The following EXOC3L1 variants were observed in gnomAD, a reference collection of about 807,000 sequenced individuals.
The protein encoded by EXOC3L1 is exocyst complex component 3-like protein.
Under a neutral mutation model 83.6 loss-of-function variants are expected in EXOC3L1, and 79 were observed. That is an observed-to-expected ratio of 0.95 (90% CI 0.79 to 1.14). The LOEUF (loss-of-function observed/expected upper bound fraction) is 1.14. EXOC3L1 is among the 50% of genes most tolerant of loss of function. EXOC3L1 has a pLI of 0.00. For missense variants in EXOC3L1, 945 were observed against 972.0 expected, an observed-to-expected ratio of 0.97 and a Z score of 0.37; for synonymous variants, 433 against 451.2, an observed-to-expected ratio of 0.96 and a Z score of 0.51.
rs1159283133 is a variant in EXOC3L1, at chr16:67,184,808, G to T, written c.1908C>A (p.Gly636=). 1.2e-6 allele frequency: 2 copies of T among 1,603,006 alleles called. No individual in the cohort carries two copies. The highest frequency in any genetic ancestry group is 1.7e-6 in the Non-Finnish European group (2 of 1,179,618). ...AQLQQLFLSL[G]LEENAHCAPV... is the part of the protein sequence containing the mutation. ...GCGCGCAGTGCGCGTTCTCCTCCAG[G>T]CCCTGAGCACGTCGGGGTAGGGTCT... Residue 636 remains glycine, a splice_region_variant and synonymous_variant, in exon 13 of 14, where the codon GGC becomes GGA. Transcript: ENST00000314586.
intron 4 of EXOC3L1, 150 bp downstream of exon 4, chr16:67,188,571 T>C (rs1032472629): frequency 1.7e-5 from 12 of 720,200 alleles, no homozygotes; most frequent in African/African-American, 5.4e-5. Context: ...AGCTGCCTCA[T>C]AGGCCATGGG....
chr16:67,188,874 C>A lies in EXOC3L1; in HGVS notation c.274G>T (p.Val92Leu). ...AGGGCCTCCCGGGTTCCCTGCACCA[C>A]CTCAATGGCCTGGGCCAGCTGCCAC... ...GVWQLAQAIE[V>L]VQGTREALSQ... Residue 92 changes from valine (V) to leucine (L), a missense_variant, in exon 4 of 14, where the codon GTG becomes TTG. Val to Leu is a conservative substitution (Grantham distance 32). Transcript: ENST00000314586. 1 of 1,612,958 alleles carries A rather than the reference C, an allele frequency of 6.2e-7. No individual in the cohort carries two copies.
intron 4 of EXOC3L1, 119 bp downstream of exon 4, chr16:67,188,602 G>T: frequency 1.1e-6 from 1 of 948,340 alleles, no homozygotes; most frequent in East Asian, 2.6e-5. Context: ...TACTGTCTGG[G>T]AGGTCCCTGG....
rs376511701 is a variant in EXOC3L1 at position 67,185,035 on chromosome 16, C to T, written c.1772G>A (p.Arg591His). Residue 591 changes from arginine (R) to histidine (H), a missense_variant, in exon 12 of 14, where the codon CGT (arginine) becomes CAT (histidine). Transcript: ENST00000314586. ...TVQLLLAEAE[R>H]AVVLQYLSAL... Reference sequence around the variant, plus strand: ...GCTCAGGTACTGGAGCACCACGGCACGCTCGGCCTCAGCCAGCAGCAGCTG... The same window carrying T: ...GCTCAGGTACTGGAGCACCACGGCATGCTCGGCCTCAGCCAGCAGCAGCTG... 7.5e-6 allele frequency: 12 copies of T among 1,608,806 alleles called. No homozygotes were observed. The Admixed American group carries it at 2.0e-4, about 27-fold the overall frequency.
chr16:67,189,284 ATTTG>A lies in EXOC3L1; in HGVS notation c.47-108_47-105del, dbSNP rs923895400. On this transcript the variant is annotated intron_variant, in intron 2 of 13. Transcript: ENST00000314586. ...TATTTATTTATTTATTTGTTTGTTT[ATTTG>A]TTTATTGAGATGGAGTCTCGCTCTG... 122 of 1,205,078 alleles carry A rather than the reference ATTTG, an allele frequency of 1.0e-4. 1 individual carries two copies. In the Middle Eastern group the frequency reaches 2.1e-3, roughly 21 times the overall value. The allele number at this position is 1,205,078 out of a possible 1,614,324, so 74.6% of individuals were successfully genotyped here. A position where few individuals can be genotyped will look rare whatever the true frequency, so the allele number is the denominator to read the frequency against.
intron 12 of EXOC3L1, 42 bp from the exon 13 acceptor site, chr16:67,184,852 C>T (rs1376911747): frequency 6.2e-7 from 1 of 1,608,698 alleles, no homozygotes; most frequent in Non-Finnish European, 8.5e-7. Context: ...CCCTCTCTCC[C>T]ACCCAGCCAC....
Position 67,188,728 on chromosome 16 carries a change from C to T in EXOC3L1, c.420G>A (p.Leu140=). 1.2e-6 allele frequency: 2 copies of T among 1,609,630 alleles called. No individual in the cohort carries two copies. Among genetic ancestry groups the T allele is most frequent in the Non-Finnish European group, 1.7e-6 (2 of 1,178,030 alleles). ...GGGTCCCTGCATGCTCACCTGCCCG[C>T]AGCCGAGGCAGCAGGTGAGACAGGG... is the stretch of plus-strand genomic sequence containing the variant. ...LQALSHLLPR[L]RAVPAAVSHT... Residue 140 remains leucine, a synonymous_variant, in exon 4 of 14, where the codon CTG becomes CTA. Transcript: ENST00000314586.
chr16:67,189,948 G>A (rs2032837781), intron 1 of EXOC3L1, 23 bp downstream of exon 1: 1 of 530,810 alleles, frequency 1.9e-6, no homozygotes, highest in Non-Finnish European at 3.4e-6. Flanking sequence ...GAGCTGCACA[G>A]GACAGTTTGG....
In EXOC3L1 at chr16:67,189,641, C is replaced by T. The variant is rs535228818; in HGVS notation, c.36G>A (p.Ala12=). The T allele has an allele frequency of 7.9e-5, 127 of 1,614,134 alleles. No homozygotes were observed. The highest frequency in any genetic ancestry group is 2.2e-4 in the Admixed American group (13 of 60,014). ...CCAAAAGGTTCATACCAGGGGACAA[C>T]GCCGGCTGCATCTCATCCTTGGCTG... is the stretch of plus-strand genomic sequence containing the variant. ...DSAAKDEMQP[A]LSPGPEWPEQ... is the part of the protein sequence containing the mutation. Residue 12 remains alanine, a synonymous_variant, in exon 2 of 14, where the codon GCG becomes GCA. Transcript: ENST00000314586.
Position 67,189,139 on chromosome 16 carries a change from G to T in EXOC3L1, c.88C>A (p.Arg30=), listed in dbSNP as rs139069832. 1 of 1,606,994 alleles carries T rather than the reference G, an allele frequency of 6.2e-7. No homozygotes were observed. Among genetic ancestry groups the T allele is most frequent in the East Asian group, 2.2e-5 (1 of 44,820 alleles). The change falls in exon 3 of 14, where the codon CGG becomes AGG. Residue 30 remains arginine, a synonymous_variant. Coordinates refer to ENST00000314586, the MANE Select transcript of EXOC3L1 (RefSeq NM_178516.4). ...PEQERAEQLA[R]GAALKWASGI... is the part of the protein sequence containing the mutation. ...GAGGCCCACTTGAGCGCTGCACCCC[G>T]GGCCAGCTGCTCTGCCCGCTCCTGC...
Position 67,185,019 on chromosome 16 carries a change from C to T in EXOC3L1, c.1788G>A (p.Gln596=), listed in dbSNP as rs996521015. Residue 596 remains glutamine, a synonymous_variant, in exon 12 of 14, where the codon CAG becomes CAA. Transcript: ENST00000314586. ...GGCCTTGCATCAGCGCGCTCAGGTACTGGAGCACCACGGCACGCTCGGCCT... is the reference window on the plus strand; with the variant it reads ...GGCCTTGCATCAGCGCGCTCAGGTATTGGAGCACCACGGCACGCTCGGCCT... The part of the protein sequence containing the change: ...LAEAERAVVL[Q]YLSALMQGRL... 2 of 1,609,560 alleles carry T rather than the reference C, an allele frequency of 1.2e-6. No homozygotes were observed. The highest frequency in any genetic ancestry group is 1.7e-5 in the Admixed American group (1 of 59,814).
At chr16:67,189,923 C>T (rs769853882) in intron 1 of EXOC3L1, 48 bp downstream of exon 1, 29 of 575,106 alleles carry the variant, frequency 5.0e-5, no homozygotes, top group Admixed American at 1.8e-4. Flanking sequence ...CTCCACTGGA[C>T]CCTGGTCCTG....
intron 4 of EXOC3L1, 68 bp from the exon 5 acceptor site, chr16:67,187,905 G>C (rs1055569092): frequency 1.3e-6 from 2 of 1,498,106 alleles, no homozygotes; most frequent in African/African-American, 2.8e-5. Context: ...GTACAGCAGG[G>C]GATACTGAGG....
rs766534906 is a variant in EXOC3L1 at position 67,185,470 on chromosome 16, T to TG, written c.1516dup (p.Gln506ProfsTer53). On this transcript the variant is annotated frameshift_variant, in exon 10 of 14. Coordinates refer to ENST00000314586, the MANE Select transcript of EXOC3L1 (RefSeq NM_178516.4). LOFTEE classifies it high-confidence loss of function. Reference sequence around the variant, plus strand: ...GGCCCCTGAAGGCGCCCCGTCCAGCTGCAGGACAGACACTGAGGAGCTGGA... The same window carrying TG: ...GGCCCCTGAAGGCGCCCCGTCCAGCTGGCAGGACAGACACTGAGGAGCTGGA... 8.7e-6 allele frequency: 14 copies of TG among 1,609,354 alleles called. No individual in the cohort carries two copies. Among genetic ancestry groups the TG allele is most frequent in the African/African-American group, 2.7e-5 (2 of 74,932 alleles).
Position 67,188,882 on chromosome 16 carries a change from G to T in EXOC3L1, c.266C>A (p.Ala89Asp). 1 of 1,612,944 alleles carries T rather than the reference G, an allele frequency of 6.2e-7. No individual in the cohort carries two copies. Among genetic ancestry groups the T allele is most frequent in the Admixed American group, 1.7e-5 (1 of 59,996 alleles). ...VQTGVWQLAQ[A>D]IEVVQGTREA... ...CCGGGTTCCCTGCACCACCTCAATG[G>T]CCTGGGCCAGCTGCCACACACCAGT... is the stretch of plus-strand genomic sequence containing the variant. Residue 89 changes from alanine (A) to aspartate (D), a missense_variant, in exon 4 of 14, where the codon GCC becomes GAC. Physicochemically the swap from Ala to Asp is moderately radical, Grantham distance 126. Coordinates refer to ENST00000314586, the MANE Select transcript of EXOC3L1 (RefSeq NM_178516.4).
chr16:67,189,417 C>T (rs1486427172), intron 2 of EXOC3L1, among the ~76,000 whole-genome samples: 1 of 152,220 alleles, frequency 6.6e-6, no homozygotes, highest in Non-Finnish European at 1.5e-5. Flanking sequence ...GCTGGGATTA[C>T]AGGCGCGTGC....
intron 9 of EXOC3L1, 75 bp from the exon 10 acceptor site, chr16:67,185,565 C>A: frequency 7.1e-7 from 1 of 1,406,554 alleles, no homozygotes. Flanking sequence ...GACCCTCCGG[C>A]GCCACCTTGT....
Position 67,189,102 on chromosome 16 carries a change from T to C in EXOC3L1, c.125A>G (p.Tyr42Cys), listed in dbSNP as rs779949983. 2 of 1,608,282 alleles carry C rather than the reference T, an allele frequency of 1.2e-6. No individual in the cohort carries two copies. The change falls in exon 3 of 14, where the codon TAC becomes TGC. Residue 42 changes from tyrosine (Y) to cysteine (C), a missense_variant. By Grantham distance (194) the Tyr-to-Cys change is radical (BLOSUM62 -2). Transcript: ENST00000314586. ...TAGCCTGGCCAGCTGCTCCGGCCGGTAGAAGATGCCTGAGGCCCACTTGAG... is the reference window on the plus strand; with the variant it reads ...TAGCCTGGCCAGCTGCTCCGGCCGGCAGAAGATGCCTGAGGCCCACTTGAG... The part of the protein sequence containing the change: ...AALKWASGIF[Y>C]RPEQLARLGQ...
rs764799825 is a variant in EXOC3L1, at chr16:67,188,842, C to T, written c.306G>A (p.Gln102=). 3 of 1,613,320 alleles carry T rather than the reference C, an allele frequency of 1.9e-6. No homozygotes were observed. Among genetic ancestry groups the T allele is most frequent in the South Asian group, 2.2e-5 (2 of 91,088 alleles). The change falls in exon 4 of 14, where the codon CAG becomes CAA. Residue 102 remains glutamine, a synonymous_variant. Transcript: ENST00000314586. ...ACATGCCCTGGAGCAACCCACGGGC[C>T]TGGCTCAGGGCCTCCCGGGTTCCCT... ...VVQGTREALS[Q]ARGLLQGMSQ...
Sources: allele counts gnomAD v4.1 joint callset (sites outside exome capture counted in the v4.1 genomes callset), GRCh38; gene constraint gnomAD v4.1.1; transcripts MANE v1.5; gene names NCBI Gene and HGNC (gene_info 2026-07-23, HGNC 2026-07-21).